The following GRM7 variants were observed in gnomAD, a reference collection of about 807,000 sequenced individuals.
The protein encoded by GRM7 is metabotropic glutamate receptor 7.
Under a neutral mutation model 84.5 loss-of-function variants are expected in GRM7, and 35 were observed. The ratio of observed to expected loss-of-function variants is 0.41; its 90% CI spans 0.32 to 0.55. The LOEUF (loss-of-function observed/expected upper bound fraction) is 0.55, where lower values mean the gene tolerates loss of function less well. Ranked by LOEUF, GRM7 falls within the 20% of genes least tolerant of loss-of-function variation. GRM7 has a pLI of 0.19. For missense variants in GRM7, 1,003 were observed against 1,194.6 expected (o/e 0.84, Z 2.36); for synonymous variants, 487 against 455.1 (o/e 1.07, Z -0.89).
chr3:7,686,395 G>A (rs764596946), intron 9 of GRM7: 2 of 1,558,766 alleles, frequency 1.3e-6, no homozygotes, highest in Non-Finnish European at 8.9e-7. Flanking sequence ...ACAAAAGTCT[G>A]TTACTTGGTA....
At chr3:7,713,695 A>G (rs1259705672) in intron 9 of GRM7, among the ~76,000 whole-genome samples, 1 of 152,040 alleles carries the variant, frequency 6.6e-6, no homozygotes, top group African/African-American at 2.4e-5. Context: ...TGAATAATGC[A>G]TGTTAACAGC....
chr3:7,395,799 A>G (rs1194955246), intron 4 of GRM7, among the ~76,000 whole-genome samples: 1 of 152,172 alleles, frequency 6.6e-6, no homozygotes, highest in Non-Finnish European at 1.5e-5. Context: ...ACCTAGTCTC[A>G]GGTATGTCTT....
chr3:7,234,330 A>T (rs1247679990), intron 2 of GRM7, among the ~76,000 whole-genome samples: 1 of 152,176 alleles, frequency 6.6e-6, no homozygotes, highest in African/African-American at 2.4e-5. Context: ...ATTAATTCAC[A>T]TATGTGGATT....
intron 9 of GRM7, among the ~76,000 whole-genome samples, chr3:7,700,490 A>G (rs1010304272): frequency 1.3e-5 from 2 of 152,244 alleles, no homozygotes; most frequent in Admixed American, 1.3e-4. Context: ...TTGAAATCTC[A>G]AACAGCTGGA....
intron 8 of GRM7, among the ~76,000 whole-genome samples, chr3:7,658,602 A>C (rs1699303002): frequency 6.6e-6 from 1 of 152,200 alleles, no homozygotes; most frequent in Admixed American, 6.5e-5. Context: ...CAAGTTAACG[A>C]TACCCTCTGT....
intron 2 of GRM7, among the ~76,000 whole-genome samples, chr3:7,259,598 G>A (rs1430530147): frequency 6.6e-6 from 1 of 152,138 alleles, no homozygotes; most frequent in African/African-American, 2.4e-5. Context: ...CTCCATCCAT[G>A]TTCCTGCAAA....
At chr3:7,552,986 C>T (rs1296108140) in intron 7 of GRM7, among the ~76,000 whole-genome samples, 1 of 152,180 alleles carries the variant, frequency 6.6e-6, no homozygotes, top group East Asian at 1.9e-4. Context: ...AACTTTTATG[C>T]TCTACTTCCC....
At chr3:7,471,066 A>G (rs1416550013) in intron 7 of GRM7, among the ~76,000 whole-genome samples, 2 of 151,838 alleles carry the variant, frequency 1.3e-5, no homozygotes, top group Non-Finnish European at 2.9e-5. Flanking sequence ...ATTTAAAAAA[A>G]GTAAAATAAA....
intron 2 of GRM7, among the ~76,000 whole-genome samples, chr3:7,201,297 C>T (rs1333778543): frequency 6.6e-6 from 1 of 152,044 alleles, no homozygotes; most frequent in African/African-American, 2.4e-5. Flanking sequence ...TTAATTTTTT[C>T]ATGAGTTTGA....
chr3:7,554,035 A>G (rs1025767056), intron 7 of GRM7, among the ~76,000 whole-genome samples: 1 of 152,198 alleles, frequency 6.6e-6, no homozygotes, highest in African/African-American at 2.4e-5. Flanking sequence ...GTCTCAGTGC[A>G]GCGTTCTAGT....
intron 9 of GRM7, among the ~76,000 whole-genome samples, chr3:7,739,705 A>C (rs1418496334): frequency 6.6e-6 from 1 of 152,212 alleles, no homozygotes; most frequent in African/African-American, 2.4e-5. Flanking sequence ...AGTGAAGGTG[A>C]GTCCTGAAAT....
rs1694748519 is a variant in GRM7, at chr3:7,572,826, ATATATATATATATAT to A, written c.1516-5595_1516-5581del. 2.1e-3 allele frequency among the ~76,000 whole-genome samples: 129 copies of A among 62,518 alleles called. 11 individuals are homozygous for A. The highest frequency in any genetic ancestry group is 6.7e-3 in the African/African-American group (93 of 13,946). 41.0% of individuals were successfully genotyped at this position (62,518 alleles called of 152,430 possible). ...GACAGAGTGAGACTCTATCTCAAAT[ATATATATATATATAT>A]ATATATATATATATATATATATATA... On this transcript the variant is annotated intron_variant, in intron 7 of 9. Transcript: ENST00000357716.
intron 1 of GRM7, among the ~76,000 whole-genome samples, chr3:6,906,550 G>T (rs928073880): frequency 6.6e-6 from 1 of 151,850 alleles, no homozygotes; most frequent in African/African-American, 2.4e-5. Flanking sequence ...CCAGACTGGG[G>T]GCATTTAAAA....
At chr3:6,873,043 C>G (rs1047986547) in intron 1 of GRM7, among the ~76,000 whole-genome samples, 4 of 152,178 alleles carry the variant, frequency 2.6e-5, no homozygotes, top group African/African-American at 9.7e-5. Context: ...ACCACACTGT[C>G]TTCCACAATG....
intron 4 of GRM7, among the ~76,000 whole-genome samples, chr3:7,395,108 A>G (rs746957645): frequency 3.3e-5 from 5 of 151,856 alleles, no homozygotes; most frequent in Admixed American, 6.6e-5. Context: ...TTCAGTTCCC[A>G]TGTTACGATT....
At chr3:6,948,864 A>G (rs1373322184) in intron 1 of GRM7, among the ~76,000 whole-genome samples, 2 of 152,158 alleles carry the variant, frequency 1.3e-5, no homozygotes, top group Non-Finnish European at 2.9e-5. Context: ...TTTATCCAAG[A>G]CTAAGATTGC....
chr3:7,348,014 AAAC>A (rs1488818978), intron 4 of GRM7, among the ~76,000 whole-genome samples: 1 of 152,134 alleles, frequency 6.6e-6, no homozygotes, highest in Non-Finnish European at 1.5e-5. Flanking sequence ...ATAGAAGGGG[AAAC>A]TGAGGCACTT....
At chr3:6,898,655 G>T (rs1314388846) in intron 1 of GRM7, among the ~76,000 whole-genome samples, 2 of 151,942 alleles carry the variant, frequency 1.3e-5, no homozygotes, top group African/African-American at 4.8e-5. Flanking sequence ...CCAAAAATAG[G>T]TTGGCTGAGG....
intron 4 of GRM7, among the ~76,000 whole-genome samples, chr3:7,370,277 A>G (rs190319377): frequency 1.3e-5 from 2 of 152,142 alleles, no homozygotes; most frequent in African/African-American, 2.4e-5. Context: ...TTAAGTGTTG[A>G]TGTGATTCCT....
Sources: gnomAD v4.1 joint callset for allele counts (sites outside exome capture counted in the v4.1 genomes callset) on GRCh38, gnomAD v4.1.1 for gene constraint, MANE v1.5 for transcripts, NCBI Gene and HGNC (gene_info 2026-07-23, HGNC 2026-07-21) for gene names.